Variants in LRPAP1 observed in about 807,000 individuals in gnomAD.
LRPAP1 encodes alpha-2-macroglobulin receptor-associated protein.
Under a neutral mutation model 39.9 loss-of-function variants are expected in LRPAP1, and 41 were observed. The observed-to-expected ratio is 1.03, with a 90% CI of 0.80 to 1.33. The LOEUF (loss-of-function observed/expected upper bound fraction) is 1.33. Among genes scored for constraint, LRPAP1 ranks in the 40% most tolerant of loss-of-function variants. The probability of loss-of-function intolerance (pLI) is 0.00; values close to 1 mark genes in which losing one functional copy is unlikely to be tolerated. For missense variants in LRPAP1, 565 were observed against 482.3 expected, an observed-to-expected ratio of 1.17 and a Z score of -1.61; for synonymous variants, 263 against 212.7, an observed-to-expected ratio of 1.24 and a Z score of -2.06.
At position 3,507,313 on chromosome 4, in the gene LRPAP1, A is replaced by G. The variant is rs962338782; in HGVS notation, c.*5661T>C. 11 of 152,240 alleles carry G rather than the reference A, an allele frequency of 7.2e-5. No individual in the cohort carries two copies. Among genetic ancestry groups the G allele is most frequent in the Non-Finnish European group, 1.5e-4 (10 of 68,040 alleles). 9.4% of individuals were successfully genotyped at this position (152,240 alleles called of 1,614,324 possible). A position where few individuals can be genotyped will look rare whatever the true frequency, so the allele number is the denominator to read the frequency against. Reference sequence around the variant, plus strand: ...CAAAGACGCCACCCAAATGGCCAAGAGCAGACAAAAAGGTGTCATGCCTCT... The same window carrying G: ...CAAAGACGCCACCCAAATGGCCAAGGGCAGACAAAAAGGTGTCATGCCTCT... On this transcript the variant is annotated 3_prime_UTR_variant, in exon 8 of 8. Coordinates refer to ENST00000650182, the MANE Select transcript of LRPAP1 (RefSeq NM_002337.4).
rs1016910597 is a variant in LRPAP1, at chr4:3,516,144, A to G, written c.806T>C (p.Leu269Pro). 6.3e-7 allele frequency: 1 copy of G among 1,581,926 alleles called. No homozygotes were observed. Among genetic ancestry groups the G allele is most frequent in the African/African-American group, 1.3e-5 (1 of 74,548 alleles). Residue 269 changes from leucine (L) to proline (P), a missense_variant, in exon 6 of 8, where the codon CTC (leucine) becomes CCC (proline). Leu to Pro is a moderately conservative substitution (Grantham distance 98, BLOSUM62 -3). Transcript: ENST00000650182. ...GAACGCCTCCAGCTCCTTGTCCGTGAGGTTGGCGGACTGCGCCAGGTCCCA... is the reference window on the plus strand; with the variant it reads ...GAACGCCTCCAGCTCCTTGTCCGTGGGGTTGGCGGACTGCGCCAGGTCCCA... ...DLWDLAQSAN[L>P]TDKELEAFRE...
chr4:3,521,420 C>A (rs558854366), intron 2 of LRPAP1, among the ~76,000 whole-genome samples: 2 of 152,182 alleles, frequency 1.3e-5, no homozygotes, highest in Non-Finnish European at 1.5e-5. Context: ...CTACTCCCAG[C>A]GGGGCCTCCA....
At chr4:3,520,831 G>C (rs961791703) in intron 2 of LRPAP1, among the ~76,000 whole-genome samples, 7 of 152,232 alleles carry the variant, frequency 4.6e-5, no homozygotes, top group African/African-American at 1.4e-4. Flanking sequence ...CACTCGGGGA[G>C]CCCTCTAGGA....
chr4:3,521,599 G>A (rs113274242), intron 2 of LRPAP1, among the ~76,000 whole-genome samples: 13 of 152,290 alleles, frequency 8.5e-5, no homozygotes, highest in African/African-American at 2.2e-4. Flanking sequence ...CACTCTGTCC[G>A]GAAGCCTGGG....
intron 1 of LRPAP1, among the ~76,000 whole-genome samples, chr4:3,528,601 C>T (rs1391250306): frequency 6.6e-6 from 1 of 152,242 alleles, no homozygotes; most frequent in Non-Finnish European, 1.5e-5. Context: ...GGGCATGTGC[C>T]ATCCTCCCAG....
chr4:3,525,948 G>A (rs928887887), intron 1 of LRPAP1, among the ~76,000 whole-genome samples: 4 of 152,090 alleles, frequency 2.6e-5, no homozygotes, highest in Admixed American at 6.6e-5. Context: ...GGGCTGGCCC[G>A]GCCGCTAAGA....
intron 1 of LRPAP1, among the ~76,000 whole-genome samples, chr4:3,525,650 GGAAC>G (rs965903920): frequency 1.1e-4 from 16 of 152,108 alleles, no homozygotes; most frequent in East Asian, 7.7e-4. Flanking sequence ...GCAGCGCCCC[GGAAC>G]GAGCTGCCGC....
At chr4:3,531,914 C>T (rs1239990784) in intron 1 of LRPAP1, 3 of 507,306 alleles carry the variant, frequency 5.9e-6, no homozygotes, top group Non-Finnish European at 1.0e-5. Context: ...GGTTCTGTCC[C>T]TACGCTCGGG....
chr4:3,516,037 C>G (rs1341251649), intron 6 of LRPAP1, 79 bp downstream of exon 6: 51 of 1,338,984 alleles, frequency 3.8e-5, no homozygotes, highest in Non-Finnish European at 5.2e-5. Context: ...GAGGAGAGGG[C>G]TGCATTTCCT....
intron 5 of LRPAP1, among the ~76,000 whole-genome samples, chr4:3,516,871 G>A (rs1265205605): frequency 2.6e-5 from 4 of 152,182 alleles, no homozygotes; most frequent in African/African-American, 7.2e-5. Flanking sequence ...GGACCCCGAG[G>A]ACCCTGGGCT....
In LRPAP1 at chr4:3,507,828, C is replaced by A. The variant is rs566286896; in HGVS notation, c.*5146G>T. 2.0e-5 allele frequency: 3 copies of A among 152,112 alleles called. No homozygotes were observed. The highest frequency in any genetic ancestry group is 7.2e-5 in the African/African-American group (3 of 41,428). The allele number at this position is 152,112 out of a possible 1,614,324, so 9.4% of individuals were successfully genotyped here. ...ATCTGTAAAAATGATAAACTCTTAG[C>A]TAGTCTGATCAGGGGGAAAAGAAAA... On this transcript the variant is annotated 3_prime_UTR_variant, in exon 8 of 8. Transcript: ENST00000650182.
In LRPAP1 at chr4:3,504,817, G is replaced by A; in HGVS notation, c.*8157C>T. Among the ~76,000 whole-genome samples the A allele has an allele frequency of 6.6e-6, 1 of 151,600 alleles. No homozygotes were observed. The highest frequency in any genetic ancestry group is 1.9e-4 in the East Asian group (1 of 5,166). Reference sequence around the variant, plus strand: ...GAAAAATTAGCTGGGTATGGTGGCAGGTGCCCATAATCCCAGCTACTTGGG... The same window carrying A: ...GAAAAATTAGCTGGGTATGGTGGCAAGTGCCCATAATCCCAGCTACTTGGG... On this transcript the variant is annotated 3_prime_UTR_variant, in exon 8 of 8. Transcript: ENST00000650182.
chr4:3,523,712 T>TTG (rs1729990915), intron 2 of LRPAP1, among the ~76,000 whole-genome samples: 1 of 152,020 alleles, frequency 6.6e-6, no homozygotes, highest in Admixed American at 6.5e-5. Context: ...CCTCCTCTCT[T>TTG]TACCAGAGAC....
At chr4:3,524,847 C>G in intron 2 of LRPAP1, 60 bp downstream of exon 2, 1 of 1,576,486 alleles carries the variant, frequency 6.3e-7, no homozygotes, top group South Asian at 1.1e-5. Flanking sequence ...AAAACACTGC[C>G]GCTCTCAAGC....
chr4:3,509,868 C>A lies in LRPAP1; in HGVS notation c.*3106G>T, dbSNP rs369404322. 2.0e-5 allele frequency: 3 copies of A among 151,916 alleles called. No homozygotes were observed. The highest frequency in any genetic ancestry group is 7.3e-5 in the African/African-American group (3 of 41,180). 9.4% of individuals were successfully genotyped at this position (151,916 alleles called of 1,614,324 possible). ...GACTGGAGTCACACACGGCAGTCAA[C>A]GCGTGGACACTGGAGACTGTTAAGA... On this transcript the variant is annotated 3_prime_UTR_variant, in exon 8 of 8. Transcript: ENST00000650182.
rs570317237 is a variant in LRPAP1, at chr4:3,518,861, C to A, written c.592+10G>T. On this transcript the variant is annotated intron_variant, in intron 4 of 7. Coordinates refer to ENST00000650182, the MANE Select transcript of LRPAP1 (RefSeq NM_002337.4). ...GGCAGAGGGCAGGAGGGGGTGGGGG[C>A]GGGGGGCACCTTCGGTCCTGCTCAG... The A allele has an allele frequency of 1.9e-6, 2 of 1,054,142 alleles. No homozygotes were observed. The highest frequency in any genetic ancestry group is 6.8e-5 in the East Asian group (1 of 14,634). The allele number at this position is 1,054,142 out of a possible 1,614,324, so 65.3% of individuals were successfully genotyped here. A position where few individuals can be genotyped will look rare whatever the true frequency, so the allele number is the denominator to read the frequency against.
intron 6 of LRPAP1, 92 bp from the exon 7 acceptor site, chr4:3,515,020 G>A (rs1729650808): frequency 2.1e-6 from 3 of 1,422,082 alleles, no homozygotes; most frequent in Non-Finnish European, 2.9e-6. Flanking sequence ...GCCAAAGGAC[G>A]GCGCCATACC....
chr4:3,531,058 C>T (rs1009173813), intron 1 of LRPAP1, among the ~76,000 whole-genome samples: 1 of 152,148 alleles, frequency 6.6e-6, no homozygotes, highest in Admixed American at 6.5e-5. Flanking sequence ...CACATCCAAA[C>T]CCAGCCGTGT....
chr4:3,520,937 T>A (rs952523600), intron 2 of LRPAP1, among the ~76,000 whole-genome samples: 2 of 152,184 alleles, frequency 1.3e-5, no homozygotes, highest in Non-Finnish European at 2.9e-5. Flanking sequence ...CAACATGATA[T>A]GAAAGCAGGC....
Sources: allele counts gnomAD v4.1 joint callset (sites outside exome capture counted in the v4.1 genomes callset), GRCh38; gene constraint gnomAD v4.1.1; transcripts MANE v1.5; gene names NCBI Gene and HGNC (gene_info 2026-07-23, HGNC 2026-07-21).